CSPP1: variants seen among roughly 807,000 people sequenced by gnomAD.
CSPP1 encodes centrosome and spindle pole associated protein 1.
In CSPP1, 126 loss-of-function variants were observed where a neutral mutation model predicts 164.4. That is an observed-to-expected ratio of 0.77 (90% CI 0.66 to 0.89). CSPP1 has a LOEUF of 0.89. Ranked by LOEUF, CSPP1 falls within the 40% of genes least tolerant of loss-of-function variation. CSPP1 has a pLI of 0.00. For synonymous variants in CSPP1, 472 were observed against 476.7 expected, an observed-to-expected ratio of 0.99 and a Z score of 0.13; for missense variants, 1,395 against 1,449.8, an observed-to-expected ratio of 0.96 and a Z score of 0.61.
At chr8:67,178,285 G>A (rs1322285479) in intron 27 of CSPP1, among the ~76,000 whole-genome samples, 1 of 152,152 alleles carries the variant, frequency 6.6e-6, no homozygotes. Context: ...ATAAGCAAAG[G>A]AAGGGAACAG....
At chr8:67,136,757 C>T (rs1822380623) in intron 16 of CSPP1, among the ~76,000 whole-genome samples, 1 of 151,658 alleles carries the variant, frequency 6.6e-6, no homozygotes. Flanking sequence ...TGAGGGTAGA[C>T]TTTGTGGCTG....
chr8:67,133,028 G>A (rs1043128933), intron 16 of CSPP1, among the ~76,000 whole-genome samples: 4 of 152,046 alleles, frequency 2.6e-5, no homozygotes, highest in African/African-American at 9.7e-5. Flanking sequence ...AACCTTTTTT[G>A]TATGTTAGGA....
chr8:67,159,834 CTTTCTTTCTTTCTTTCTTT>C lies in CSPP1; in HGVS notation c.2538+700_2538+718del, dbSNP rs1563710082. 7.2e-4 allele frequency among the ~76,000 whole-genome samples: 91 copies of C among 127,210 alleles called. 2 individuals are homozygous for C. Among genetic ancestry groups the C allele is most frequent in the African/African-American group, 3.1e-3 (82 of 26,520 alleles). 83.5% of individuals were successfully genotyped at this position (127,210 alleles called of 152,430 possible). ...ACCACGCCCGGCCTTCTCTCTCTTT[CTTTCTTTCTTTCTTTCTTT>C]TTCTTTCTTTCTTTCTTTCTTTCTT... On this transcript the variant is annotated intron_variant, in intron 21 of 30. Transcript: ENST00000678616.
intron 7 of CSPP1, among the ~76,000 whole-genome samples, chr8:67,101,195 T>C (rs1321686536): frequency 1.3e-5 from 2 of 152,178 alleles, no homozygotes; most frequent in Non-Finnish European, 2.9e-5. Context: ...TGTGGGATGG[T>C]TACGTAGGCA....
chr8:67,153,150 C>T (rs1477759572), intron 18 of CSPP1, among the ~76,000 whole-genome samples: 1 of 151,876 alleles, frequency 6.6e-6, no homozygotes, highest in Non-Finnish European at 1.5e-5. Context: ...TGCAGTGAGC[C>T]GAGATCATGC....
intron 2 of CSPP1, among the ~76,000 whole-genome samples, chr8:67,075,490 A>C (rs1467152082): frequency 6.6e-6 from 1 of 152,186 alleles, no homozygotes; most frequent in Admixed American, 6.5e-5. Context: ...GCTATGGACA[A>C]GGCATATTCT....
intron 29 of CSPP1, among the ~76,000 whole-genome samples, chr8:67,191,529 A>G (rs1465630923): frequency 6.6e-6 from 1 of 152,228 alleles, no homozygotes; most frequent in African/African-American, 2.4e-5. Context: ...ATGAGATCAT[A>G]CACTGTATGA....
intron 15 of CSPP1, among the ~76,000 whole-genome samples, chr8:67,122,894 G>T (rs1586287123): frequency 6.6e-6 from 1 of 151,604 alleles, no homozygotes; most frequent in East Asian, 1.9e-4. Flanking sequence ...GTGTGTGTGT[G>T]TTTGTGTGTG....
chr8:67,108,090 G>C (rs1424946917), intron 9 of CSPP1, among the ~76,000 whole-genome samples: 1 of 149,362 alleles, frequency 6.7e-6, no homozygotes, highest in Non-Finnish European at 1.5e-5. Flanking sequence ...GAGTATAGTA[G>C]TTGATAAATG....
At chr8:67,194,489 T>C (rs1837322192) in intron 30 of CSPP1, among the ~76,000 whole-genome samples, 1 of 152,198 alleles carries the variant, frequency 6.6e-6, no homozygotes, top group Non-Finnish European at 1.5e-5. Flanking sequence ...TTTCCAGCTA[T>C]AAGGCATTTT....
intron 25 of CSPP1, among the ~76,000 whole-genome samples, chr8:67,173,289 A>G (rs1267707491): frequency 6.6e-6 from 1 of 152,192 alleles, no homozygotes; most frequent in Non-Finnish European, 1.5e-5. Flanking sequence ...AGAAGCTTTG[A>G]TGTAGCCACT....
intron 7 of CSPP1, among the ~76,000 whole-genome samples, chr8:67,100,629 G>T (rs1240162135): frequency 6.6e-6 from 1 of 150,682 alleles, no homozygotes; most frequent in Non-Finnish European, 1.5e-5. Context: ...GCTCAGGCTG[G>T]AGTGCAGTGG....
rs1421998303 is a variant in CSPP1 at position 67,193,497 on chromosome 8, C to T, written c.3364C>T (p.Leu1122Phe). The change falls in exon 30 of 31, where the codon CTC becomes TTC. Residue 1122 changes from leucine (L) to phenylalanine (F), a missense_variant. Physicochemically the swap from Leu to Phe is conservative, Grantham distance 22 (BLOSUM62 0). Transcript: ENST00000678616. ...TCGTCCTAATGTAGCACCAGATGGT[C>T]TCTCTCTAAAATCTATATCCAGTGT... ...SSRPNVAPDG[L>F]SLKSISSVNV... 33 of 1,613,020 alleles carry T rather than the reference C, an allele frequency of 2.0e-5. No homozygotes were observed. The highest frequency in any genetic ancestry group is 2.7e-5 in the Non-Finnish European group (32 of 1,179,132).
rs374262758 is a variant in CSPP1, at chr8:67,195,441, T to G, written c.3529T>G (p.Ser1177Ala). 2.8e-5 allele frequency: 46 copies of G among 1,614,076 alleles called. No individual in the cohort carries two copies. In the African/African-American group the frequency reaches 5.6e-4, roughly 20 times the overall value. ...CATGAAACACATAGGGGATGACGGA[T>G]CAAACTCTGTAGCAACTGAGCCCTG... The part of the protein sequence containing the change: ...DIMKHIGDDG[S>A]NSVATEPWLR... The change falls in exon 31 of 31, where the codon TCA becomes GCA. Residue 1177 changes from serine (S) to alanine (A), a missense_variant. Physicochemically the swap from Ser to Ala is moderately conservative, Grantham distance 99 (BLOSUM62 1). Transcript: ENST00000678616.
At chr8:67,146,166 A>G (rs1022776539) in intron 17 of CSPP1, among the ~76,000 whole-genome samples, 18 of 144,466 alleles carry the variant, frequency 1.2e-4, no homozygotes, top group Non-Finnish European at 1.9e-4. Flanking sequence ...TCTGTCACCC[A>G]GGCTGTAATG....
chr8:67,145,143 T>A (rs1824268891), intron 17 of CSPP1, among the ~76,000 whole-genome samples: 2 of 152,148 alleles, frequency 1.3e-5, no homozygotes, highest in African/African-American at 2.4e-5. Context: ...GACTTCACTT[T>A]ATTTAATAGA....
Position 67,093,537 on chromosome 8 carries a change from T to C in CSPP1, c.385-6T>C. 1.3e-6 allele frequency: 2 copies of C among 1,574,000 alleles called. No individual in the cohort carries two copies. Among genetic ancestry groups the C allele is most frequent in the South Asian group, 1.1e-5 (1 of 87,312 alleles). Reference sequence around the variant, plus strand: ...TTTAACATTGCCTTTTGATTTTTATTTTAAGGAAAGGTTGAAACTTGAACG... The same window carrying C: ...TTTAACATTGCCTTTTGATTTTTATCTTAAGGAAAGGTTGAAACTTGAACG... On this transcript the variant is annotated splice_region_variant and splice_polypyrimidine_tract_variant and intron_variant, in intron 5 of 30. Coordinates refer to ENST00000678616, the MANE Select transcript of CSPP1 (RefSeq NM_001382391.1).
chr8:67,143,531 T>C (rs1464524515), intron 17 of CSPP1, among the ~76,000 whole-genome samples: 1 of 152,152 alleles, frequency 6.6e-6, no homozygotes, highest in African/African-American at 2.4e-5. Context: ...AGCCAGCATC[T>C]TAATAATATT....
chr8:67,069,814 C>T (rs1806342567), intron 1 of CSPP1, among the ~76,000 whole-genome samples: 1 of 151,912 alleles, frequency 6.6e-6, no homozygotes, highest in African/African-American at 2.4e-5. Context: ...TATATACCAC[C>T]ATGCCTGGCT....
Sources: allele counts gnomAD v4.1 joint callset (sites outside exome capture counted in the v4.1 genomes callset), GRCh38; gene constraint gnomAD v4.1.1; transcripts MANE v1.5; gene names NCBI Gene and HGNC (gene_info 2026-07-23, HGNC 2026-07-21).